NEK5: variants seen among roughly 807,000 people sequenced by gnomAD.
NEK5 encodes serine/threonine-protein kinase Nek5.
Under a neutral mutation model 109.2 loss-of-function variants are expected in NEK5, and 88 were observed. The observed-to-expected ratio is 0.81, with a 90% CI of 0.68 to 0.96. The LOEUF is 0.96. Ranked by LOEUF, NEK5 falls within the 40% of genes least tolerant of loss-of-function variation. The pLI, the probability that NEK5 is intolerant of heterozygous loss-of-function variation, is 0.00. For synonymous variants in NEK5, 283 were observed against 299.9 expected (o/e 0.94, Z 0.58); for missense variants, 834 against 920.7 (o/e 0.91, Z 1.22).
At chr13:52,109,310 A>G (rs1244151211) in intron 7 of NEK5, among the ~76,000 whole-genome samples, 5 of 152,224 alleles carry the variant, frequency 3.3e-5, no homozygotes, top group Non-Finnish European at 7.3e-5. Flanking sequence ...ATTCAGGCAC[A>G]GTTGACCAGC....
At chr13:52,059,753 A>G (rs1227061073) in intron 22 of NEK5, among the ~76,000 whole-genome samples, 1 of 151,514 alleles carries the variant, frequency 6.6e-6, no homozygotes, top group African/African-American at 2.4e-5. Flanking sequence ...GAATTGAACA[A>G]TAAGAACACA....
chr13:52,073,432 C>T (rs1050892279), intron 19 of NEK5, among the ~76,000 whole-genome samples: 1 of 151,836 alleles, frequency 6.6e-6, no homozygotes, highest in Non-Finnish European at 1.5e-5. Context: ...TCTCCTGCCT[C>T]AGCCTCCTAA....
At chr13:52,087,513 T>A in intron 14 of NEK5, 59 bp from the exon 15 acceptor site, 1 of 861,130 alleles carries the variant, frequency 1.2e-6, no homozygotes, top group South Asian at 1.6e-5. Context: ...CATCTTCTGA[T>A]TTGACATTGA....
chr13:52,074,270 G>A (rs962344279), intron 19 of NEK5, among the ~76,000 whole-genome samples: 1 of 152,106 alleles, frequency 6.6e-6, no homozygotes, highest in African/African-American at 2.4e-5. Flanking sequence ...GTATGGTACT[G>A]GTTCAAAAAC....
intron 17 of NEK5, among the ~76,000 whole-genome samples, chr13:52,082,477 T>C (rs1593952188): frequency 6.6e-6 from 1 of 152,334 alleles, no homozygotes; most frequent in East Asian, 1.9e-4. Flanking sequence ...CATAAAAGCA[T>C]TGTTTATCAG....
chr13:52,075,976 G>A (rs61957207), intron 18 of NEK5, 87 bp downstream of exon 18: 40,985 of 954,686 alleles, frequency 0.043, 1,156 homozygotes, highest in South Asian at 0.089. Flanking sequence ...AAATACTAGG[G>A]GGAAAATCAT....
intron 3 of NEK5, 112 bp downstream of exon 3, chr13:52,127,254 A>AT: frequency 1.5e-6 from 1 of 647,610 alleles, no homozygotes; most frequent in South Asian, 1.9e-5. Flanking sequence ...ACAAAAATCA[A>AT]TTATGGCTTA....
intron 4 of NEK5, 49 bp downstream of exon 4, chr13:52,119,270 A>G: frequency 1.0e-6 from 1 of 998,576 alleles, no homozygotes; most frequent in Non-Finnish European, 1.5e-6. Flanking sequence ...ACATATGTCA[A>G]CATGCCTATA....
chr13:52,040,083 T>C (rs1409101681), intron 23 of NEK5, among the ~76,000 whole-genome samples: 1 of 27,180 alleles, frequency 3.7e-5, no homozygotes. Context: ...TACTGGCACT[T>C]TTTTTTTTTT....
intron 7 of NEK5, among the ~76,000 whole-genome samples, chr13:52,109,095 T>A (rs1955708821): frequency 6.6e-6 from 1 of 152,228 alleles, no homozygotes; most frequent in Admixed American, 6.5e-5. Context: ...TTGGTACATA[T>A]TGCCACCAAA....
intron 17 of NEK5, among the ~76,000 whole-genome samples, chr13:52,079,700 G>T (rs1954940744): frequency 1.3e-5 from 2 of 152,286 alleles, no homozygotes; most frequent in South Asian, 4.1e-4. Context: ...TGCCGAGATT[G>T]CAGCCTCTGC....
chr13:52,091,250 CAA>C (rs35661291), intron 13 of NEK5, among the ~76,000 whole-genome samples: 17,662 of 152,094 alleles, frequency 0.12, 1,070 homozygotes, highest in Admixed American at 0.2. Context: ...CAAATCTAGA[CAA>C]AGAGTGGAAG....
chr13:52,063,049 C>T (rs965937802), intron 21 of NEK5, among the ~76,000 whole-genome samples: 12 of 150,838 alleles, frequency 8.0e-5, no homozygotes, highest in African/African-American at 2.0e-4. Context: ...CCCCACGGTC[C>T]CCCTCTCCCC....
At chr13:52,101,100 C>A (rs1042241822) in intron 11 of NEK5, among the ~76,000 whole-genome samples, 1 of 152,130 alleles carries the variant, frequency 6.6e-6, no homozygotes, top group Admixed American at 6.5e-5. Context: ...GACACCAGGA[C>A]TAAAATAGTT....
At chr13:52,056,860 T>C (rs1316007312) in intron 22 of NEK5, among the ~76,000 whole-genome samples, 1 of 151,366 alleles carries the variant, frequency 6.6e-6, no homozygotes, top group Non-Finnish European at 1.5e-5. Flanking sequence ...GATCCAAAAT[T>C]GACACCCTAA....
chr13:52,099,766 C>T lies in NEK5; in HGVS notation c.1003G>A (p.Ala335Thr). Residue 335 changes from alanine to threonine, a missense_variant, in exon 12 of 24, where the codon GCT becomes ACT. Coordinates refer to ENST00000684899, the MANE Select transcript of NEK5 (RefSeq NM_001365552.1). ...ACAGATCTGGCCTTCTGGGCTCCAGCTGGTGGTCTCCATTCATTTCTATGC... is the reference window on the plus strand; with the variant it reads ...ACAGATCTGGCCTTCTGGGCTCCAGTTGGTGGTCTCCATTCATTTCTATGC... ...ILHRNEWRPP[A>T]GAQKARSIKM... 6.2e-7 allele frequency: 1 copy of T among 1,613,828 alleles called. No homozygotes were observed. The highest frequency in any genetic ancestry group is 1.7e-5 in the Admixed American group (1 of 59,992).
At position 52,102,049 on chromosome 13, in the gene NEK5, C is replaced by G. The variant is rs199960440; in HGVS notation, c.811-35G>C. The G allele has an allele frequency of 1.2e-5, 20 of 1,612,270 alleles. No individual in the cohort carries two copies. In the East Asian group the frequency reaches 4.2e-4, roughly 34 times the overall value. On this transcript the variant is annotated intron_variant, in intron 10 of 23. Transcript: ENST00000684899. ...AACACACGTGTCAAGGACCTGCAAC[C>G]CAAAATCTCTGCCAAAATCCAAACA...
chr13:52,053,851 C>G (rs184218709), intron 22 of NEK5, among the ~76,000 whole-genome samples: 1 of 152,344 alleles, frequency 6.6e-6, no homozygotes, highest in East Asian at 1.9e-4. Flanking sequence ...ACCATCTCCC[C>G]ACTGCTAGCG....
intron 12 of NEK5, 62 bp from the exon 13 acceptor site, chr13:52,093,297 C>T: frequency 8.1e-7 from 1 of 1,232,706 alleles, no homozygotes; most frequent in Non-Finnish European, 1.2e-6. Context: ...CAGTGGCTCA[C>T]ACCTGTAACC....
Sources: allele counts gnomAD v4.1 joint callset (sites outside exome capture counted in the v4.1 genomes callset), GRCh38; gene constraint gnomAD v4.1.1; transcripts MANE v1.5; gene names NCBI Gene and HGNC (gene_info 2026-07-23, HGNC 2026-07-21).